The following ABCC6 variants were observed in gnomAD, a reference collection of about 807,000 sequenced individuals.
The protein encoded by ABCC6 is ATP binding cassette subfamily C member 6, also known as ATP-binding cassette sub-family C member 6.
A neutral mutation model predicts 169.5 loss-of-function variants in ABCC6; 126 were observed. That is an observed-to-expected ratio of 0.74 (90% CI 0.64 to 0.86). ABCC6 has a LOEUF of 0.86. Ranked by LOEUF, ABCC6 falls within the 40% of genes least tolerant of loss-of-function variation. The pLI is 0.00. For synonymous variants in ABCC6, 752 were observed against 814.7 expected, an observed-to-expected ratio of 0.92 and a Z score of 1.31; for missense variants, 1,733 against 1,927.2, an observed-to-expected ratio of 0.90 and a Z score of 1.89.
rs1457471213 is a variant in ABCC6, at chr16:16,161,487, G to A, written c.3584C>T (p.Ala1195Val). The A allele has an allele frequency of 6.2e-7, 1 of 1,613,880 alleles. No individual in the cohort carries two copies. Among genetic ancestry groups the A allele is most frequent in the Non-Finnish European group, 8.5e-7 (1 of 1,180,038 alleles). ...GCCCACGAGGCCAGCACTGAGGTGG[G>A]CTTTGCTCAGCACAGCACACGTGGC... ...AAATCAVLSK[A>V]HLSAGLVGFS... The change falls in exon 25 of 31, where the codon GCC (alanine) becomes GTC (valine). Residue 1195 changes from alanine (A) to valine (V), a missense_variant. Physicochemically the swap from Ala to Val is moderately conservative, Grantham distance 64. Transcript: ENST00000205557.
rs3902401 is a variant in ABCC6, at chr16:16,150,116, C to T, written c.*17G>A. 0.066 allele frequency: 105,796 copies of T among 1,611,476 alleles called. 3,972 individuals carry two copies. Among genetic ancestry groups the T allele is most frequent in the South Asian group, 0.14 (13,091 of 90,912 alleles). ...TGTGCGGGCTGGTCCAACTGGGGTA[C>T]GGTTGAGGGTCCTGGCTCAGACCAG... On this transcript the variant is annotated 3_prime_UTR_variant, in exon 31 of 31. Transcript: ENST00000205557.
intron 29 of ABCC6, among the ~76,000 whole-genome samples, chr16:16,153,016 T>C (rs2046434054): frequency 6.6e-6 from 1 of 152,018 alleles, no homozygotes; most frequent in Non-Finnish European, 1.5e-5. Context: ...CCTGTCTCAG[T>C]GTCTTAGCCT....
In ABCC6 at chr16:16,150,010, G is replaced by A; in HGVS notation, c.*123C>T. 1 of 1,449,254 alleles carries A rather than the reference G, an allele frequency of 6.9e-7. No homozygotes were observed. Among genetic ancestry groups the A allele is most frequent in the Non-Finnish European group, 9.5e-7 (1 of 1,056,462 alleles). The allele number at this position is 1,449,254 out of a possible 1,614,324, so 89.8% of individuals were successfully genotyped here. On this transcript the variant is annotated 3_prime_UTR_variant, in exon 31 of 31. Coordinates refer to ENST00000205557, the MANE Select transcript of ABCC6 (RefSeq NM_001171.6). The stretch of plus-strand genomic sequence containing the variant: ...CACTTTCTCTGCCATTTTCCTCCCA[G>A]AGAGCAAACACAGGTCTAGACTCAA...
rs2047505624 is a variant in ABCC6 at position 16,182,401 on chromosome 16, C to T, written c.2247+11G>A. 6.2e-7 allele frequency: 1 copy of T among 1,613,506 alleles called. No individual in the cohort carries two copies. On this transcript the variant is annotated intron_variant, in intron 17 of 30. Coordinates refer to ENST00000205557, the MANE Select transcript of ABCC6 (RefSeq NM_001171.6). ...TGTCTCCCTGTCCCAAAAAGACCCC[C>T]AAACTCTCACCTGCTCCCCAATTGA...
At chr16:16,220,049 T>C (rs2049023179) in intron 2 of ABCC6, 102 bp from the exon 3 acceptor site, 1 of 1,484,800 alleles carries the variant, frequency 6.7e-7, no homozygotes, top group African/African-American at 1.4e-5. Context: ...TGCAACATCC[T>C]GGCTGATACT....
At position 16,165,660 on chromosome 16, in the gene ABCC6, G is replaced by T. The variant is rs1400127311; in HGVS notation, c.3269C>A (p.Ala1090Asp). 6.2e-7 allele frequency: 1 copy of T among 1,612,420 alleles called. No individual in the cohort carries two copies. Reference sequence around the variant, plus strand: ...GTAGAGGAGAAACAGTGGCAGGATGGCCACAGTGGCCAGTGGGGTAGCCAC... The same window carrying T: ...GTAGAGGAGAAACAGTGGCAGGATGTCCACAGTGGCCAGTGGGGTAGCCAC... Reference protein sequence around the residue: ...VAVATPLATVAILPLFLLYAG... With the variant: ...VAVATPLATVDILPLFLLYAG... The change falls in exon 23 of 31, where the codon GCC becomes GAC. Residue 1090 changes from alanine (A) to aspartate (D), a missense_variant. Coordinates refer to ENST00000205557, the MANE Select transcript of ABCC6 (RefSeq NM_001171.6).
At position 16,157,720 on chromosome 16, in the gene ABCC6, T is replaced by A; in HGVS notation, c.3825A>T (p.Arg1275=). The A allele has an allele frequency of 6.2e-7, 1 of 1,613,926 alleles. No homozygotes were observed. ...CCTGCACAGCCAGCGGGAGCTCAGG[T>A]CGGTATCTTAGCCCAAAGTCCCGGA... ...IEFRDFGLRY[R]PELPLAVQGV... The change falls in exon 27 of 31, where the codon CGA becomes CGT. Residue 1275 remains arginine, a synonymous_variant. Coordinates refer to ENST00000205557, the MANE Select transcript of ABCC6 (RefSeq NM_001171.6).
chr16:16,192,391 A>G (rs2047891626), intron 11 of ABCC6, among the ~76,000 whole-genome samples: 1 of 152,054 alleles, frequency 6.6e-6, no homozygotes, highest in African/African-American at 2.4e-5. Flanking sequence ...GAGGGGTACA[A>G]CGTATTTGGT....
chr16:16,162,893 ACT>A (rs1285601535), intron 24 of ABCC6, 98 bp downstream of exon 24: 1 of 1,479,340 alleles, frequency 6.8e-7, no homozygotes, highest in Non-Finnish European at 9.4e-7. Flanking sequence ...TATGTCCCTG[ACT>A]CTCTGGGTGA....
intron 9 of ABCC6, among the ~76,000 whole-genome samples, chr16:16,200,537 G>A (rs58660364): frequency 0.3 from 37,858 of 127,622 alleles, 6,497 homozygotes; most frequent in Middle Eastern, 0.38. Context: ...GAAGATCAAT[G>A]CCTGCTCACC....
chr16:16,155,043 T>G lies in ABCC6; in HGVS notation c.3883-12A>C. ...CCAACGATGCCCACCTGCCCGGGGTTGGGAGGAAAGGCCTGCTCTGACCAG... is the reference window on the plus strand; with the variant it reads ...CCAACGATGCCCACCTGCCCGGGGTGGGGAGGAAAGGCCTGCTCTGACCAG... On this transcript the variant is annotated splice_polypyrimidine_tract_variant and intron_variant, in intron 27 of 30. Transcript: ENST00000205557. 1 of 1,550,016 alleles carries G rather than the reference T, an allele frequency of 6.5e-7. No homozygotes were observed. Among genetic ancestry groups the G allele is most frequent in the Non-Finnish European group, 8.7e-7 (1 of 1,148,104 alleles).
rs1417523208 is a variant in ABCC6, at chr16:16,178,787, C to A, written c.2415+11G>T. On this transcript the variant is annotated intron_variant, in intron 18 of 30. Coordinates refer to ENST00000205557, the MANE Select transcript of ABCC6 (RefSeq NM_001171.6). ...TGCCCTGTACTGTCTGACACATGTT[C>A]CCAAACTTACTGTTCCCTGGAGTAG... 1.9e-6 allele frequency: 3 copies of A among 1,613,746 alleles called. No individual in the cohort carries two copies. The highest frequency in any genetic ancestry group is 2.7e-5 in the African/African-American group (2 of 74,912).
Position 16,150,056 on chromosome 16 carries a change from G to T in ABCC6, c.*77C>A. ...CTCAATATCGTGTGGAGCTATCGAT[G>T]ACCACGGGTCACTTCCATCTCCAGC... On this transcript the variant is annotated 3_prime_UTR_variant, in exon 31 of 31. Coordinates refer to ENST00000205557, the MANE Select transcript of ABCC6 (RefSeq NM_001171.6). 2 of 1,588,842 alleles carry T rather than the reference G, an allele frequency of 1.3e-6. No homozygotes were observed. The highest frequency in any genetic ancestry group is 2.3e-5 in the South Asian group (2 of 88,320).
intron 15 of ABCC6, among the ~76,000 whole-genome samples, chr16:16,183,330 C>T (rs2047543455): frequency 6.6e-6 from 1 of 152,186 alleles, no homozygotes; most frequent in South Asian, 2.1e-4. Context: ...GTTTCACCAG[C>T]CTGGCCTCCT....
chr16:16,197,065 G>A (rs910361461), intron 10 of ABCC6, among the ~76,000 whole-genome samples: 1 of 150,886 alleles, frequency 6.6e-6, no homozygotes, highest in Non-Finnish European at 1.5e-5. Context: ...GAAAGTAAAT[G>A]TTTTGTTTGT....
intron 29 of ABCC6, among the ~76,000 whole-genome samples, chr16:16,152,305 A>G (rs1567462406): frequency 6.6e-6 from 1 of 150,842 alleles, no homozygotes; most frequent in Non-Finnish European, 1.5e-5. Context: ...TTGTGAGCCC[A>G]GTGAGCCCCT....
In ABCC6 at chr16:16,189,041, A is replaced by G. The variant is rs116355467; in HGVS notation, c.1636-67T>C. ...CAAGCATGGATAGGGCAGCCTGGGC[A>G]AGCTGTGGTGCCTGCACGGTCCATG... On this transcript the variant is annotated intron_variant, in intron 12 of 30. Transcript: ENST00000205557. 5.7e-5 allele frequency: 90 copies of G among 1,580,428 alleles called. No individual in the cohort carries two copies. In the African/African-American group the frequency reaches 1.0e-3, roughly 18 times the overall value.
intron 30 of ABCC6, 38 bp from the exon 31 acceptor site, chr16:16,150,279 C>A: frequency 1.2e-6 from 2 of 1,613,024 alleles, no homozygotes; most frequent in Non-Finnish European, 1.7e-6. Flanking sequence ...TCTTTGGACA[C>A]CAGCCCAGGC....
intron 10 of ABCC6, among the ~76,000 whole-genome samples, chr16:16,196,631 A>G (rs1252313257): frequency 1.3e-5 from 2 of 152,200 alleles, no homozygotes; most frequent in Non-Finnish European, 2.9e-5. Flanking sequence ...ACACAGATTC[A>G]CAACTGATAA....
Sources: gnomAD v4.1 joint callset for allele counts (sites outside exome capture counted in the v4.1 genomes callset) on GRCh38, gnomAD v4.1.1 for gene constraint, MANE v1.5 for transcripts, NCBI Gene and HGNC (gene_info 2026-07-23, HGNC 2026-07-21) for gene names.